LUZP2: variants seen among roughly 807,000 people sequenced by gnomAD.
LUZP2 encodes the protein leucine zipper protein 2.
Under a neutral mutation model 51.6 loss-of-function variants are expected in LUZP2, and 52 were observed. The ratio of observed to expected loss-of-function variants is 1.01; its 90% CI spans 0.81 to 1.27. LUZP2 has a LOEUF of 1.27. Ranked by LOEUF, LUZP2 falls within the 50% of genes most tolerant of loss-of-function variation. The probability of loss-of-function intolerance (pLI) is 0.00; values close to 1 mark genes in which losing one functional copy is unlikely to be tolerated. For synonymous variants in LUZP2, 154 were observed against 137.3 expected, an observed-to-expected ratio of 1.12 and a Z score of -0.85; for missense variants, 436 against 395.4, an observed-to-expected ratio of 1.10 and a Z score of -0.87.
chr11:24,760,301 A>T (rs371671151), intron 4 of LUZP2, among the ~76,000 whole-genome samples: 1 of 152,024 alleles, frequency 6.6e-6, no homozygotes, highest in African/African-American at 2.4e-5. Flanking sequence ...TTAAATTCCC[A>T]TCATGGCCTG....
intron 5 of LUZP2, among the ~76,000 whole-genome samples, chr11:24,764,843 C>T (rs2716534): frequency 0.73 from 111,320 of 151,936 alleles, 40,966 homozygotes; most frequent in East Asian, 0.88. Flanking sequence ...AATAAATAAA[C>T]GCAAAACTAT....
intron 1 of LUZP2, among the ~76,000 whole-genome samples, chr11:24,691,738 T>G (rs181228945): frequency 6.6e-6 from 1 of 152,220 alleles, no homozygotes; most frequent in African/African-American, 2.4e-5. Context: ...ATTTGGGAAC[T>G]TGTATAACTT....
chr11:24,894,882 GCAAA>G (rs1852985626), intron 5 of LUZP2, among the ~76,000 whole-genome samples: 2 of 152,104 alleles, frequency 1.3e-5, no homozygotes, highest in African/African-American at 4.8e-5. Context: ...ACTTTCAGAA[GCAAA>G]CAGTCACTAC....
intron 9 of LUZP2, among the ~76,000 whole-genome samples, chr11:25,005,279 A>G (rs542592211): frequency 6.6e-6 from 1 of 152,244 alleles, no homozygotes; most frequent in Non-Finnish European, 1.5e-5. Flanking sequence ...GTGAGCTGAA[A>G]GGTCCTCCTG....
At chr11:24,826,308 A>G (rs1850540005) in intron 5 of LUZP2, among the ~76,000 whole-genome samples, 1 of 150,132 alleles carries the variant, frequency 6.7e-6, no homozygotes, top group African/African-American at 2.4e-5. Context: ...TGTCTTATAG[A>G]TCTTGACTAT....
chr11:24,995,142 A>G (rs984586652), intron 9 of LUZP2, among the ~76,000 whole-genome samples: 8 of 152,142 alleles, frequency 5.3e-5, no homozygotes, highest in African/African-American at 1.7e-4. Flanking sequence ...TAATCCCAAC[A>G]CTTTTGGAGG....
chr11:24,917,971 G>A (rs1179891903), intron 7 of LUZP2, among the ~76,000 whole-genome samples: 1 of 152,068 alleles, frequency 6.6e-6, no homozygotes, highest in Non-Finnish European at 1.5e-5. Context: ...CCATGAGCAT[G>A]GAATGTTCTT....
intron 1 of LUZP2, among the ~76,000 whole-genome samples, chr11:24,562,297 A>G (rs7936313): frequency 0.42 from 63,040 of 151,546 alleles, 13,577 homozygotes; most frequent in African/African-American, 0.51. Context: ...GGTAAAGAAC[A>G]GAGAATTGAA....
At chr11:25,014,667 T>G (rs1162964816) in intron 9 of LUZP2, among the ~76,000 whole-genome samples, 2 of 152,136 alleles carry the variant, frequency 1.3e-5, no homozygotes, top group Non-Finnish European at 1.5e-5. Flanking sequence ...GTCAGATGAG[T>G]AGGTTGCAAA....
chr11:24,970,901 A>T (rs192713449), intron 7 of LUZP2, among the ~76,000 whole-genome samples: 1 of 152,330 alleles, frequency 6.6e-6, no homozygotes, highest in African/African-American at 2.4e-5. Context: ...GTAATTGTTA[A>T]TAAAGTGTAT....
chr11:24,528,031 G>T (rs1311368285), intron 1 of LUZP2, among the ~76,000 whole-genome samples: 4 of 151,198 alleles, frequency 2.6e-5, no homozygotes, highest in African/African-American at 2.4e-5. Context: ...GTCTTTCTAA[G>T]TGACTATTAT....
In LUZP2 at chr11:24,983,268, T is replaced by C. The variant is rs755294404; in HGVS notation, c.740T>C (p.Leu247Pro). The change falls in exon 9 of 12, where the codon CTT becomes CCT. Residue 247 changes from leucine to proline, a missense_variant. By Grantham distance (98) the Leu-to-Pro change is moderately conservative. Coordinates refer to ENST00000336930, the MANE Select transcript of LUZP2 (RefSeq NM_001009909.4). Reference sequence around the variant, plus strand: ...CCACCCAGGAATATTGCCTCTAAGCTTCCAGATGCAGCGGCCAAAAGCAAG... The same window carrying C: ...CCACCCAGGAATATTGCCTCTAAGCCTCCAGATGCAGCGGCCAAAAGCAAG... ...LLPPRNIASK[L>P]PDAAAKSKPQ... is the part of the protein sequence containing the mutation. The C allele has an allele frequency of 6.6e-5, 107 of 1,611,718 alleles. No homozygotes were observed. The highest frequency in any genetic ancestry group is 8.1e-5 in the Non-Finnish European group (95 of 1,178,634).
At position 25,013,727 on chromosome 11, in the gene LUZP2, A is replaced by G. The variant is rs182323728; in HGVS notation, c.765+30434A>G. On this transcript the variant is annotated intron_variant, in intron 9 of 11. Coordinates refer to ENST00000336930, the MANE Select transcript of LUZP2 (RefSeq NM_001009909.4). ...TTAATTTCAACATTTAAAAAATTAC[A>G]TTAACTGTATTTATTTATTTATTAT... Among the ~76,000 whole-genome samples the G allele has an allele frequency of 5.9e-5, 9 of 152,168 alleles. No homozygotes were observed. The East Asian group carries it at 1.7e-3, about 29-fold the overall frequency.
intron 1 of LUZP2, among the ~76,000 whole-genome samples, chr11:24,648,842 C>T (rs1855541595): frequency 6.6e-6 from 1 of 152,102 alleles, no homozygotes; most frequent in East Asian, 1.9e-4. Context: ...AAAGTAATTG[C>T]AGTTTTTGCT....
At chr11:24,878,428 C>T (rs898857196) in intron 5 of LUZP2, among the ~76,000 whole-genome samples, 2 of 151,970 alleles carry the variant, frequency 1.3e-5, no homozygotes, top group African/African-American at 4.8e-5. Context: ...ATTGGAGCAC[C>T]TTTGTATGTT....
chr11:25,076,778 C>A (rs1859319978), intron 10 of LUZP2, among the ~76,000 whole-genome samples: 1 of 138,412 alleles, frequency 7.2e-6, no homozygotes, highest in African/African-American at 2.7e-5. Context: ...ATTGCTAACA[C>A]TTCATCTTCC....
intron 7 of LUZP2, among the ~76,000 whole-genome samples, chr11:24,963,718 C>A (rs941410783): frequency 6.6e-6 from 1 of 152,150 alleles, no homozygotes; most frequent in Admixed American, 6.5e-5. Flanking sequence ...TTGTGCTTCC[C>A]GAGTGAGGCA....
At chr11:24,568,225 C>T (rs12805008) in intron 1 of LUZP2, among the ~76,000 whole-genome samples, 63,458 of 151,714 alleles carry the variant, frequency 0.42, 13,779 homozygotes, top group African/African-American at 0.51. Flanking sequence ...CTGAGTGTGA[C>T]GGTGCATGCC....
chr11:25,037,541 T>G (rs1000243349), intron 9 of LUZP2, among the ~76,000 whole-genome samples: 1 of 152,198 alleles, frequency 6.6e-6, no homozygotes, highest in African/African-American at 2.4e-5. Context: ...TGTAGTTAGT[T>G]GCTTTGTAGT....
Sources: allele counts gnomAD v4.1 joint callset (sites outside exome capture counted in the v4.1 genomes callset), GRCh38; gene constraint gnomAD v4.1.1; transcripts MANE v1.5; gene names NCBI Gene and HGNC (gene_info 2026-07-23, HGNC 2026-07-21).